PARVA: variants seen among roughly 807,000 people sequenced by gnomAD.
PARVA encodes the protein alpha-parvin.
A neutral mutation model predicts 52.6 loss-of-function variants in PARVA; 25 were observed. That is an observed-to-expected ratio of 0.48 (90% CI 0.35 to 0.66). The LOEUF is 0.66. PARVA is among the 30% of genes least tolerant of loss of function. The pLI is 0.01. For synonymous variants in PARVA, 185 were observed against 179.1 expected (o/e 1.03, Z -0.26); for missense variants, 373 against 450.9 (o/e 0.83, Z 1.56).
chr11:12,396,437 C>T (rs889828810), intron 1 of PARVA, among the ~76,000 whole-genome samples: 3 of 152,278 alleles, frequency 2.0e-5, no homozygotes, highest in Admixed American at 6.5e-5. Context: ...TGTCTGGGCC[C>T]TGGAAGCAAA....
intron 1 of PARVA, among the ~76,000 whole-genome samples, chr11:12,465,074 A>G (rs995658069): frequency 2.6e-5 from 4 of 152,140 alleles, no homozygotes; most frequent in African/African-American, 9.7e-5. Context: ...TCAGGTAGTA[A>G]TACTCACCTA....
intron 1 of PARVA, among the ~76,000 whole-genome samples, chr11:12,463,039 A>G (rs1940805174): frequency 1.3e-5 from 2 of 151,352 alleles, no homozygotes; most frequent in South Asian, 2.1e-4. Flanking sequence ...TGAACACTAT[A>G]TATTTTTAGG....
At chr11:12,429,634 C>A (rs1028493206) in intron 1 of PARVA, among the ~76,000 whole-genome samples, 2 of 152,156 alleles carry the variant, frequency 1.3e-5, no homozygotes, top group African/African-American at 4.8e-5. Context: ...TTTCATCAGT[C>A]CACTAACCTT....
intron 1 of PARVA, among the ~76,000 whole-genome samples, chr11:12,415,785 A>G (rs912529726): frequency 6.6e-6 from 1 of 152,186 alleles, no homozygotes; most frequent in Non-Finnish European, 1.5e-5. Flanking sequence ...ACCAGCCAGG[A>G]AAAAGAGAGA....
chr11:12,429,282 TA>T (rs1940281451), intron 1 of PARVA, among the ~76,000 whole-genome samples: 1 of 152,150 alleles, frequency 6.6e-6, no homozygotes, highest in Non-Finnish European at 1.5e-5. Context: ...CTCAAAGTTT[TA>T]AAAGAAGTAC....
intron 1 of PARVA, among the ~76,000 whole-genome samples, chr11:12,437,318 T>C (rs1057193572): frequency 6.6e-6 from 1 of 152,206 alleles, no homozygotes; most frequent in African/African-American, 2.4e-5. Flanking sequence ...ATTCATTCTG[T>C]GAAGCCCAAC....
intron 1 of PARVA, among the ~76,000 whole-genome samples, chr11:12,423,351 GTTTTTTTT>G (rs869105706): frequency 3.8e-5 from 4 of 104,716 alleles, no homozygotes; most frequent in African/African-American, 1.5e-4. Context: ...GCTAATTTTT[GTTTTTTTT>G]TTTTTTTTTT....
At chr11:12,526,804 G>T (rs566895378) in intron 12 of PARVA, among the ~76,000 whole-genome samples, 1 of 152,110 alleles carries the variant, frequency 6.6e-6, no homozygotes, top group African/African-American at 2.4e-5. Context: ...ACTCTTCAAA[G>T]GTTGGCTTTC....
chr11:12,480,911 G>T (rs554053570), intron 4 of PARVA: 1 of 151,288 alleles, frequency 6.6e-6, no homozygotes, highest in East Asian at 1.9e-4. Flanking sequence ...TTTTTTTAAC[G>T]ACCCTGTGAG....
At chr11:12,448,620 T>G (rs1940579579) in intron 1 of PARVA, among the ~76,000 whole-genome samples, 1 of 152,168 alleles carries the variant, frequency 6.6e-6, no homozygotes, top group African/African-American at 2.4e-5. Context: ...AATGAAGCAG[T>G]GCCCTGGGAT....
chr11:12,401,252 G>A (rs867273558), intron 1 of PARVA, among the ~76,000 whole-genome samples: 1 of 152,144 alleles, frequency 6.6e-6, no homozygotes, highest in African/African-American at 2.4e-5. Context: ...AAAATATGTG[G>A]ATATCTGTTT....
At chr11:12,419,977 A>G (rs1589950762) in intron 1 of PARVA, among the ~76,000 whole-genome samples, 1 of 152,200 alleles carries the variant, frequency 6.6e-6, no homozygotes, top group African/African-American at 2.4e-5. Context: ...TGAGGAAAAT[A>G]TATTATTTTT....
In PARVA at chr11:12,532,434, T is replaced by C. The variant is rs12802339; in HGVS notation, c.*4509T>C. 0.95 allele frequency among the ~76,000 whole-genome samples: 144,893 copies of C among 152,184 alleles called. 69,385 individuals carry two copies. Among genetic ancestry groups the C allele is most frequent in the East Asian group, 1 (5,164 of 5,164 alleles). ...GTCCCAATCTTGTTTGATCACAGGATGTATCTGTCCCCTGAGAAATTTCTA... is the reference window on the plus strand; with the variant it reads ...GTCCCAATCTTGTTTGATCACAGGACGTATCTGTCCCCTGAGAAATTTCTA... On this transcript the variant is annotated 3_prime_UTR_variant, in exon 13 of 13. Transcript: ENST00000334956.
intron 6 of PARVA, among the ~76,000 whole-genome samples, chr11:12,505,573 A>G (rs1344712259): frequency 6.6e-6 from 1 of 152,234 alleles, no homozygotes. Context: ...AGATAGGACT[A>G]CAAGTAAGAA....
rs540902769 is a variant in PARVA at position 12,409,206 on chromosome 11, T to TTA, written c.136+31434_136+31435dup. On this transcript the variant is annotated intron_variant, in intron 1 of 12. Coordinates refer to ENST00000334956, the MANE Select transcript of PARVA (RefSeq NM_018222.5). ...AAACATCAAATACAATTAAGTAAGG[T>TTA]TATATATATATAATATGTAGTGGTG... Among the ~76,000 whole-genome samples the TTA allele has an allele frequency of 2.1e-3, 314 of 152,196 alleles. 4 individuals are homozygous for TTA. Among genetic ancestry groups the TTA allele is most frequent in the Middle Eastern group, 6.8e-3 (2 of 294 alleles).
At position 12,391,151 on chromosome 11, in the gene PARVA, G is replaced by A. The variant is rs565901625; in HGVS notation, c.136+13368G>A. Among the ~76,000 whole-genome samples, 4 of 152,306 alleles carry A rather than the reference G, an allele frequency of 2.6e-5. No individual in the cohort carries two copies. In the South Asian group the frequency reaches 8.3e-4, roughly 32 times the overall value. On this transcript the variant is annotated intron_variant, in intron 1 of 12. Transcript: ENST00000334956. ...TGTTCCTTCTGATTGTCACTGTGCT[G>A]AACGTGGCCGGAGTGATGGGCACCC...
intron 1 of PARVA, among the ~76,000 whole-genome samples, chr11:12,398,973 T>C (rs907902590): frequency 6.6e-5 from 10 of 152,114 alleles, no homozygotes; most frequent in Non-Finnish European, 1.5e-4. Context: ...CCGAACCCTA[T>C]ACGTAACTAT....
chr11:12,448,889 A>C (rs967431347), intron 1 of PARVA, among the ~76,000 whole-genome samples: 2 of 152,192 alleles, frequency 1.3e-5, no homozygotes, highest in African/African-American at 2.4e-5. Context: ...GGGATGACCT[A>C]GGTTCTCTGT....
At chr11:12,526,682 C>T (rs1941705385) in intron 12 of PARVA, among the ~76,000 whole-genome samples, 1 of 152,190 alleles carries the variant, frequency 6.6e-6, no homozygotes, top group Admixed American at 6.5e-5. Flanking sequence ...ATTCTGAGTC[C>T]AGTCATCAAG....
Sources: allele counts gnomAD v4.1 joint callset (sites outside exome capture counted in the v4.1 genomes callset), GRCh38; gene constraint gnomAD v4.1.1; transcripts MANE v1.5; gene names NCBI Gene and HGNC (gene_info 2026-07-23, HGNC 2026-07-21).